The following PTH2R variants were observed in gnomAD, a reference collection of about 807,000 sequenced individuals.
PTH2R encodes PTH2 receptor.
Under a neutral mutation model 60.3 loss-of-function variants are expected in PTH2R, and 59 were observed. That is an observed-to-expected ratio of 0.98 (90% CI 0.79 to 1.22). The LOEUF (loss-of-function observed/expected upper bound fraction) is 1.22. Among genes scored for constraint, PTH2R ranks in the 50% most tolerant of loss-of-function variants. The probability of loss-of-function intolerance (pLI) is 0.00; values close to 1 mark genes in which losing one functional copy is unlikely to be tolerated. For synonymous variants in PTH2R, 256 were observed against 243.8 expected, an observed-to-expected ratio of 1.05 and a Z score of -0.47; for missense variants, 749 against 682.6, an observed-to-expected ratio of 1.10 and a Z score of -1.08.
chr2:208,420,022 A>T (rs552436596), intron 1 of PTH2R, among the ~76,000 whole-genome samples: 1,810 of 152,300 alleles, frequency 0.012, 16 homozygotes, highest in Non-Finnish European at 0.019. Context: ...ATTCTCAGCA[A>T]ACTATTGCAA....
chr2:208,402,454 C>T (rs899125395), upstream of PTH2R, among the ~76,000 whole-genome samples: 1 of 152,028 alleles, frequency 6.6e-6, no homozygotes. Flanking sequence ...TAGAAAGTAC[C>T]TAGTATAAAT....
At chr2:208,463,785 A>G (rs1574896630) in intron 9 of PTH2R, among the ~76,000 whole-genome samples, 2 of 152,338 alleles carry the variant, frequency 1.3e-5, no homozygotes, top group East Asian at 3.9e-4. Context: ...AACACATTCT[A>G]CCTTGTATAT....
At chr2:208,404,370 A>C (rs976065163), upstream of PTH2R, among the ~76,000 whole-genome samples, 5 of 152,162 alleles carry the variant, frequency 3.3e-5, no homozygotes, top group African/African-American at 4.8e-5. Flanking sequence ...AATTTTCTTT[A>C]ATCCTCAGTA....
At chr2:208,406,646 TC>T (rs1701413504), upstream of PTH2R, among the ~76,000 whole-genome samples, 2 of 151,962 alleles carry the variant, frequency 1.3e-5, no homozygotes, top group Admixed American at 1.3e-4. Context: ...CGACATGAGA[TC>T]CTTTGCCCTC....
At chr2:208,477,914 CACTACTACTAGTACTAGCACT>C (rs1428636132) in intron 9 of PTH2R, among the ~76,000 whole-genome samples, 1 of 71,776 alleles carries the variant, frequency 1.4e-5, no homozygotes, top group Non-Finnish European at 3.7e-5. Flanking sequence ...CTAGTACTAG[CACTACTACTAGTACTAGCACT>C]ACTACTAGTA....
intron 2 of PTH2R, among the ~76,000 whole-genome samples, chr2:208,432,615 C>T (rs13383524): frequency 0.19 from 29,590 of 152,056 alleles, 3,152 homozygotes; most frequent in South Asian, 0.26. Flanking sequence ...GATAGGCCAT[C>T]TGCAAGCTGG....
At chr2:208,428,360 T>C (rs1701900516) in intron 2 of PTH2R, 57 bp downstream of exon 2, 2 of 1,248,632 alleles carry the variant, frequency 1.6e-6, no homozygotes, top group Non-Finnish European at 2.3e-6. Flanking sequence ...CTTATAAAGA[T>C]TGCACATTTC....
chr2:208,393,577 C>A (rs1701149230), intron 1 of PTH2R, among the ~76,000 whole-genome samples: 1 of 152,150 alleles, frequency 6.6e-6, no homozygotes, highest in Non-Finnish European at 1.5e-5. Context: ...TCCTCTTTTT[C>A]TCCTGGGTCT....
At chr2:208,413,872 G>C (rs1701590031) in intron 1 of PTH2R, among the ~76,000 whole-genome samples, 1 of 152,180 alleles carries the variant, frequency 6.6e-6, no homozygotes, top group South Asian at 2.1e-4. Flanking sequence ...GTATTTAAGG[G>C]TTCAGGGTGG....
intron 1 of PTH2R, among the ~76,000 whole-genome samples, chr2:208,370,640 A>G (rs532941741): frequency 6.6e-6 from 1 of 151,760 alleles, no homozygotes; most frequent in South Asian, 2.1e-4. Context: ...CAGATCTCTT[A>G]CCTCCCAGCA....
chr2:208,459,201 A>G (rs1044367814), intron 8 of PTH2R, among the ~76,000 whole-genome samples: 9 of 152,054 alleles, frequency 5.9e-5, no homozygotes, highest in Non-Finnish European at 2.9e-5. Context: ...TTCTCTAGAT[A>G]TTTTAACCTC....
rs1291004596 is a variant in PTH2R, at chr2:208,494,006, A to G, written c.*347A>G. ...ATATATATCACCCTAAATATAATGAAGATCTTTTAGTGTGTATCATTTTCC... is the reference window on the plus strand; with the variant it reads ...ATATATATCACCCTAAATATAATGAGGATCTTTTAGTGTGTATCATTTTCC... On this transcript the variant is annotated 3_prime_UTR_variant, in exon 13 of 13. Transcript: ENST00000272847. 5.7e-6 allele frequency: 1 copy of G among 176,510 alleles called. No individual in the cohort carries two copies. Among genetic ancestry groups the G allele is most frequent in the African/African-American group, 2.4e-5 (1 of 42,528 alleles). 10.9% of individuals were successfully genotyped at this position (176,510 alleles called of 1,614,324 possible).
In PTH2R at chr2:208,481,127, A is replaced by G; in HGVS notation, c.1039A>G (p.Thr347Ala). The G allele has an allele frequency of 6.2e-7, 1 of 1,612,080 alleles. No individual in the cohort carries two copies. Among genetic ancestry groups the G allele is most frequent in the Non-Finnish European group, 8.5e-7 (1 of 1,178,392 alleles). Reference sequence around the variant, plus strand: ...AGTTCTAGCTACCAAAATCTGGGAGACCAATGCAGTTGGGCATGACACAAG... The same window carrying G: ...AGTTCTAGCTACCAAAATCTGGGAGGCCAATGCAGTTGGGCATGACACAAG... ...VRVLATKIWETNAVGHDTRKQ... is the reference protein window; with the variant it reads ...VRVLATKIWEANAVGHDTRKQ... Residue 347 changes from threonine to alanine, a missense_variant, in exon 10 of 13, where the codon ACC becomes GCC. By Grantham distance (58) the Thr-to-Ala change is moderately conservative (BLOSUM62 0). Coordinates refer to ENST00000272847, the MANE Select transcript of PTH2R (RefSeq NM_005048.4).
At chr2:208,375,267 G>A (rs990709681) in intron 1 of PTH2R, among the ~76,000 whole-genome samples, 1 of 151,878 alleles carries the variant, frequency 6.6e-6, no homozygotes, top group Non-Finnish European at 1.5e-5. Context: ...GAATCCCCCC[G>A]TGAACCTCAA....
chr2:208,431,358 C>T (rs1486387328), intron 2 of PTH2R, among the ~76,000 whole-genome samples: 4 of 152,080 alleles, frequency 2.6e-5, no homozygotes, highest in African/African-American at 9.7e-5. Flanking sequence ...ATTGTAATAT[C>T]TATAGACTGC....
chr2:208,377,866 A>G (rs1200413320), intron 1 of PTH2R, among the ~76,000 whole-genome samples: 2 of 150,928 alleles, frequency 1.3e-5, no homozygotes, highest in Non-Finnish European at 2.9e-5. Context: ...GTGGCCGGGA[A>G]GAGGCGCTCC....
intron 1 of PTH2R, among the ~76,000 whole-genome samples, chr2:208,426,949 T>C (rs1157125019): frequency 6.6e-6 from 1 of 152,226 alleles, no homozygotes; most frequent in Non-Finnish European, 1.5e-5. Context: ...CCAGATGTTT[T>C]AGAACAAAAT....
At chr2:208,490,371 T>C (rs922741267) in intron 11 of PTH2R, among the ~76,000 whole-genome samples, 1 of 152,168 alleles carries the variant, frequency 6.6e-6, no homozygotes, top group Non-Finnish European at 1.5e-5. Flanking sequence ...ACAACATAAA[T>C]GAAACTAATA....
At chr2:208,462,818 C>T (rs950932646) in intron 9 of PTH2R, among the ~76,000 whole-genome samples, 2 of 152,220 alleles carry the variant, frequency 1.3e-5, no homozygotes, top group African/African-American at 2.4e-5. Flanking sequence ...CAAGGTTGAG[C>T]GTGGGTGTGG....
Sources: allele counts gnomAD v4.1 joint callset (sites outside exome capture counted in the v4.1 genomes callset), GRCh38; gene constraint gnomAD v4.1.1; transcripts MANE v1.5; gene names NCBI Gene and HGNC (gene_info 2026-07-23, HGNC 2026-07-21).